Variants in GRID1 observed in about 807,000 individuals in gnomAD.
GRID1 encodes glutamate ionotropic receptor delta type subunit 1.
Under a neutral mutation model 98.0 loss-of-function variants are expected in GRID1, and 28 were observed. The observed-to-expected ratio is 0.29, with a 90% CI of 0.21 to 0.39. The LOEUF is 0.39. Among genes scored for constraint, GRID1 ranks in the 10% least tolerant of loss-of-function variants. The probability of loss-of-function intolerance (pLI) is 1.00; values close to 1 mark genes in which losing one functional copy is unlikely to be tolerated. For synonymous variants in GRID1, 553 were observed against 538.5 expected, an observed-to-expected ratio of 1.03 and a Z score of -0.37; for missense variants, 1,111 against 1,340.5, an observed-to-expected ratio of 0.83 and a Z score of 2.67.
intron 12 of GRID1, among the ~76,000 whole-genome samples, chr10:85,699,016 T>G (rs932208451): frequency 5.3e-5 from 8 of 152,108 alleles, no homozygotes; most frequent in Non-Finnish European, 1.0e-4. Flanking sequence ...AGTTGAATTT[T>G]TTTGTTTGTT....
chr10:85,887,656 T>C (rs1434231734), intron 5 of GRID1, among the ~76,000 whole-genome samples: 2 of 152,194 alleles, frequency 1.3e-5, no homozygotes, highest in African/African-American at 4.8e-5. Context: ...TGAAATCAGA[T>C]GGATTTGACT....
chr10:86,020,183 A>G (rs1033983945), intron 4 of GRID1, among the ~76,000 whole-genome samples: 3 of 152,254 alleles, frequency 2.0e-5, no homozygotes, highest in African/African-American at 7.2e-5. Flanking sequence ...ACATCCACTT[A>G]TGAGCAAACT....
chr10:86,009,911 T>C (rs1246772311), intron 4 of GRID1, among the ~76,000 whole-genome samples: 1 of 152,224 alleles, frequency 6.6e-6, no homozygotes, highest in Non-Finnish European at 1.5e-5. Context: ...AACCCATGTC[T>C]CAGTGATCTC....
intron 8 of GRID1, among the ~76,000 whole-genome samples, chr10:85,839,947 C>T (rs1842946848): frequency 6.6e-6 from 1 of 152,124 alleles, no homozygotes; most frequent in Non-Finnish European, 1.5e-5. Context: ...CACAGAAATA[C>T]AAACAACCAT....
chr10:86,311,118 A>C (rs1847826258), intron 2 of GRID1, among the ~76,000 whole-genome samples: 1 of 152,200 alleles, frequency 6.6e-6, no homozygotes, highest in South Asian at 2.1e-4. Flanking sequence ...CCAGCCACAG[A>C]ACTAAGACAC....
intron 8 of GRID1, among the ~76,000 whole-genome samples, chr10:85,837,791 T>A (rs1024538383): frequency 1.3e-5 from 2 of 151,954 alleles, no homozygotes; most frequent in African/African-American, 4.8e-5. Context: ...CCAGCAAGGG[T>A]TCAGAACCAG....
At chr10:86,116,849 A>G (rs2131956077) in intron 4 of GRID1, among the ~76,000 whole-genome samples, 1 of 152,192 alleles carries the variant, frequency 6.6e-6, no homozygotes, top group Non-Finnish European at 1.5e-5. Context: ...CCACCACCAA[A>G]TAAATTGTCC....
At chr10:85,652,905 A>T (rs1297330518) in intron 12 of GRID1, among the ~76,000 whole-genome samples, 1 of 152,196 alleles carries the variant, frequency 6.6e-6, no homozygotes, top group Non-Finnish European at 1.5e-5. Context: ...ATAGGGCAAG[A>T]ATGGCACAAA....
At chr10:85,757,971 G>GT (rs1842114744) in intron 8 of GRID1, among the ~76,000 whole-genome samples, 1 of 152,180 alleles carries the variant, frequency 6.6e-6, no homozygotes, top group Non-Finnish European at 1.5e-5. Context: ...ATTTTATATC[G>GT]TAACACTCCT....
chr10:86,064,145 T>C (rs1307983381), intron 4 of GRID1, among the ~76,000 whole-genome samples: 1 of 152,192 alleles, frequency 6.6e-6, no homozygotes, highest in African/African-American at 2.4e-5. Flanking sequence ...AAAAAGCACA[T>C]AGCTTAGAAA....
At chr10:85,616,565 A>G (rs927758020) in intron 14 of GRID1, among the ~76,000 whole-genome samples, 2 of 152,208 alleles carry the variant, frequency 1.3e-5, no homozygotes, top group African/African-American at 4.8e-5. Context: ...AATTGTATGC[A>G]TTTTTTATAC....
At chr10:85,631,593 C>T (rs1042410725) in intron 13 of GRID1, among the ~76,000 whole-genome samples, 17 of 152,194 alleles carry the variant, frequency 1.1e-4, no homozygotes, top group African/African-American at 4.1e-4. Flanking sequence ...ATCAATGCCT[C>T]TTTTCTCAAA....
At chr10:86,091,021 G>A (rs1564672291) in intron 4 of GRID1, among the ~76,000 whole-genome samples, 2 of 152,196 alleles carry the variant, frequency 1.3e-5, no homozygotes, top group African/African-American at 4.8e-5. Context: ...TTCCTTCCTG[G>A]AACCACAGGG....
intron 8 of GRID1, among the ~76,000 whole-genome samples, chr10:85,829,920 A>G (rs2131760496): frequency 6.6e-6 from 1 of 152,320 alleles, no homozygotes; most frequent in South Asian, 2.1e-4. Context: ...ATCCCTATTG[A>G]ACTACCAATG....
rs1180562088 is a variant in GRID1 at position 85,916,346 on chromosome 10, T to C, written c.727-107A>G. The C allele has an allele frequency of 9.7e-6, 9 of 924,002 alleles. No individual in the cohort carries two copies. The highest frequency in any genetic ancestry group is 7.8e-5 in the Admixed American group (4 of 51,454). 57.2% of individuals were successfully genotyped at this position (924,002 alleles called of 1,614,324 possible). A position where few individuals can be genotyped will look rare whatever the true frequency, so the allele number is the denominator to read the frequency against. ...ATAAACATTGTTCTTGGAGAATATT[T>C]TCCTCACAAAACATGCCATCCCCCT... On this transcript the variant is annotated intron_variant, in intron 4 of 15. Coordinates refer to ENST00000327946, the MANE Select transcript of GRID1 (RefSeq NM_017551.3). The surrounding 1 kb of genome is among the most constrained non-coding windows in gnomAD (Gnocchi z 4.0).
At chr10:86,141,498 G>T (rs905773960) in intron 3 of GRID1, among the ~76,000 whole-genome samples, 1 of 152,202 alleles carries the variant, frequency 6.6e-6, no homozygotes, top group Non-Finnish European at 1.5e-5. Context: ...TCATCAGCTG[G>T]AGGACATCTC....
At position 85,724,356 on chromosome 10, in the gene GRID1, C is replaced by T. The variant is rs566232302; in HGVS notation, c.1854G>A (p.Gln618=). The change falls in exon 11 of 16, where the codon CAG becomes CAA. Residue 618 remains glutamine, a synonymous_variant. Coordinates refer to ENST00000327946, the MANE Select transcript of GRID1 (RefSeq NM_017551.3). ...ATCAGGAAACCAGAAAGGTACCTTG[C>T]TGTACGAAGGCTCCATAGACAATCC... ...AIWIVYGAFV[Q]QGGESSVNSM... 26 of 1,610,982 alleles carry T rather than the reference C, an allele frequency of 1.6e-5. 1 individual carries two copies. The South Asian group carries it at 2.7e-4, about 17-fold the overall frequency.
At chr10:86,116,560 G>C (rs910556180) in intron 4 of GRID1, among the ~76,000 whole-genome samples, 1 of 152,184 alleles carries the variant, frequency 6.6e-6, no homozygotes, top group Non-Finnish European at 1.5e-5. Flanking sequence ...CCATCCATAA[G>C]TGGTAGACTT....
chr10:85,666,458 G>A (rs1348146366), intron 12 of GRID1, among the ~76,000 whole-genome samples: 1 of 152,158 alleles, frequency 6.6e-6, no homozygotes, highest in Non-Finnish European at 1.5e-5. Context: ...ACTGGCAGAG[G>A]GTGCACTGGG....
Sources: gnomAD v4.1 joint callset for allele counts (sites outside exome capture counted in the v4.1 genomes callset) on GRCh38, gnomAD v4.1.1 for gene constraint, Gnocchi (gnomAD v3.1) non-coding constraint, MANE v1.5 for transcripts, NCBI Gene and HGNC (gene_info 2026-07-23, HGNC 2026-07-21) for gene names.